The following BCKDHB variants were observed in gnomAD, a reference collection of about 807,000 sequenced individuals.
BCKDHB encodes 2-oxoisovalerate dehydrogenase subunit beta, mitochondrial.
BCKDHB carries 41 observed loss-of-function variants against 48.5 expected under a neutral mutation model. That is an observed-to-expected ratio of 0.85 (90% confidence interval 0.66 to 1.10). BCKDHB has a LOEUF of 1.10. BCKDHB is among the 50% of genes least tolerant of loss of function. The pLI is 0.00. For synonymous variants in BCKDHB, 201 were observed against 174.8 expected, an observed-to-expected ratio of 1.15 and a Z score of -1.18; for missense variants, 496 against 494.2, an observed-to-expected ratio of 1.00 and a Z score of -0.03.
chr6:80,242,619 T>C (rs1034713708), intron 8 of BCKDHB, among the ~76,000 whole-genome samples: 1 of 152,164 alleles, frequency 6.6e-6, no homozygotes, highest in African/African-American at 2.4e-5. Context: ...ATTTAATTTA[T>C]AGATAATTTG....
chr6:80,384,126 G>A, the BCKDHB span, among the ~76,000 whole-genome samples: 1 of 152,142 alleles, frequency 6.6e-6, no homozygotes, highest in Admixed American at 6.6e-5. Context: ...GTGTATCTGT[G>A]AGGGTGTTGT....
Position 80,121,782 on chromosome 6 carries a change from C to T in BCKDHB, c.197-5765C>T, listed in dbSNP as rs552215055. 2.0e-5 allele frequency among the ~76,000 whole-genome samples: 3 copies of T among 152,274 alleles called. No homozygotes were observed. The East Asian group carries it at 5.8e-4, about 29-fold the overall frequency. On this transcript the variant is annotated intron_variant, in intron 1 of 9. Transcript: ENST00000320393. ...GAGACGATGGGGTTTTCTAAATATA[C>T]AATAATCTCATCTGCAAACAGGGAC...
intron 9 of BCKDHB, among the ~76,000 whole-genome samples, chr6:80,275,368 A>T (rs1032024071): frequency 2.0e-5 from 3 of 152,088 alleles, no homozygotes; most frequent in African/African-American, 7.2e-5. Flanking sequence ...TGGACCCGTT[A>T]TACAATGTTC....
At chr6:80,216,693 T>C (rs779707102) in intron 8 of BCKDHB, among the ~76,000 whole-genome samples, 16 of 152,232 alleles carry the variant, frequency 1.1e-4, no homozygotes, top group Non-Finnish European at 2.1e-4. Context: ...ATTATGTTCT[T>C]AGTTTAACAT....
chr6:80,324,855 C>G (rs1312768044), intron 9 of BCKDHB, among the ~76,000 whole-genome samples: 1 of 152,132 alleles, frequency 6.6e-6, no homozygotes, highest in Non-Finnish European at 1.5e-5. Context: ...CCTGATTAGA[C>G]CATTAAGGTC....
At chr6:80,314,215 A>C (rs1175034152) in intron 9 of BCKDHB, among the ~76,000 whole-genome samples, 3 of 152,204 alleles carry the variant, frequency 2.0e-5, no homozygotes, top group Non-Finnish European at 4.4e-5. Context: ...GACAATGAGA[A>C]GAATGTATAT....
chr6:80,172,724 T>C (rs1405132842), intron 6 of BCKDHB, among the ~76,000 whole-genome samples: 1 of 152,254 alleles, frequency 6.6e-6, no homozygotes, highest in African/African-American at 2.4e-5. Flanking sequence ...CCCATGCAAC[T>C]GGGCTTCTGT....
At chr6:80,374,112 TTTTCA>T in the BCKDHB span, 1 of 705,654 alleles carries the variant, frequency 1.4e-6, no homozygotes, top group Non-Finnish European at 2.6e-6. Flanking sequence ...AATCTGTTCC[TTTTCA>T]GTAAGGCTCA....
chr6:80,223,245 A>G (rs550731745), intron 8 of BCKDHB, among the ~76,000 whole-genome samples: 1 of 152,282 alleles, frequency 6.6e-6, no homozygotes, highest in African/African-American at 2.4e-5. Flanking sequence ...GAAATACAAT[A>G]TTATTGCTTA....
chr6:80,215,353 T>C lies in BCKDHB; in HGVS notation c.951+12141T>C, dbSNP rs115057020. Among the ~76,000 whole-genome samples the C allele has an allele frequency of 4.8e-3, 735 of 152,346 alleles. 7 individuals carry two copies. The highest frequency in any genetic ancestry group is 0.017 in the African/African-American group (708 of 41,582). ...CATGATCACAACTAGTTAGTTGTTG[T>C]ACTAATTGGAACAAGTTCTAGGCTG... On this transcript the variant is annotated intron_variant, in intron 8 of 9. Transcript: ENST00000320393.
chr6:80,128,307 C>A (rs1324818617), intron 2 of BCKDHB, among the ~76,000 whole-genome samples: 1 of 151,942 alleles, frequency 6.6e-6, no homozygotes, highest in African/African-American at 2.4e-5. Flanking sequence ...GAAGTGGGAG[C>A]TGGACTAAAG....
downstream of BCKDHB, among the ~76,000 whole-genome samples, chr6:80,350,994 G>C (rs1770376804): frequency 6.6e-6 from 1 of 152,156 alleles, no homozygotes; most frequent in South Asian, 2.1e-4. Context: ...GGAAGCAAAG[G>C]CTTATCCCTA....
chr6:80,259,975 G>T (rs1777225090), intron 8 of BCKDHB, among the ~76,000 whole-genome samples: 1 of 152,058 alleles, frequency 6.6e-6, no homozygotes. Flanking sequence ...CATCATTTAG[G>T]TCTTTGGATT....
intron 9 of BCKDHB, among the ~76,000 whole-genome samples, chr6:80,341,835 G>A (rs143556476): frequency 4.7e-4 from 72 of 152,192 alleles, no homozygotes; most frequent in African/African-American, 1.6e-3. Flanking sequence ...TAATAAAACC[G>A]ACTTAATCCC....
At chr6:80,153,380 T>C (rs1771885933) in intron 3 of BCKDHB, among the ~76,000 whole-genome samples, 1 of 152,146 alleles carries the variant, frequency 6.6e-6, no homozygotes, top group African/African-American at 2.4e-5. Flanking sequence ...AGATAATGCT[T>C]ATTGTTGAGT....
At chr6:80,337,388 T>A (rs186939011) in intron 9 of BCKDHB, among the ~76,000 whole-genome samples, 1 of 152,262 alleles carries the variant, frequency 6.6e-6, no homozygotes, top group East Asian at 1.9e-4. Context: ...ATACTACTAA[T>A]TATGACCTCT....
chr6:80,382,403 C>CT, the BCKDHB span, among the ~76,000 whole-genome samples: 2 of 152,272 alleles, frequency 1.3e-5, no homozygotes, highest in East Asian at 3.9e-4. Context: ...AGGTTATCTT[C>CT]ACTAGATTCT....
At chr6:80,283,169 G>T (rs1470505008) in intron 9 of BCKDHB, among the ~76,000 whole-genome samples, 1 of 151,974 alleles carries the variant, frequency 6.6e-6, no homozygotes, top group Non-Finnish European at 1.5e-5. Flanking sequence ...GCATTGTATT[G>T]GGGTATTCAG....
At chr6:80,192,792 A>G (rs921410687) in intron 6 of BCKDHB, among the ~76,000 whole-genome samples, 10 of 151,618 alleles carry the variant, frequency 6.6e-5, no homozygotes, top group African/African-American at 1.9e-4. Context: ...GCCTTATCAT[A>G]TCATTACTTT....
Sources: allele counts gnomAD v4.1 joint callset (sites outside exome capture counted in the v4.1 genomes callset), GRCh38; gene constraint gnomAD v4.1.1; transcripts MANE v1.5; gene names NCBI Gene and HGNC (gene_info 2026-07-23, HGNC 2026-07-21).